GABBR2: variants seen among roughly 807,000 people sequenced by gnomAD.
The protein encoded by GABBR2 is G-protein coupled receptor 51.
GABBR2 carries 23 observed loss-of-function variants against 105.6 expected under a neutral mutation model. The observed-to-expected ratio is 0.22, with a 90% CI of 0.16 to 0.31. The LOEUF is 0.31. Among genes scored for constraint, GABBR2 ranks in the 10% least tolerant of loss-of-function variants. The probability of loss-of-function intolerance (pLI) is 1.00; values close to 1 mark genes in which losing one functional copy is unlikely to be tolerated. For synonymous variants in GABBR2, 478 were observed against 499.7 expected (o/e 0.96, Z 0.58); for missense variants, 734 against 1,245.5 (o/e 0.59, Z 6.18).
intron 2 of GABBR2, among the ~76,000 whole-genome samples, chr9:98,577,099 G>C (rs1327907517): frequency 2.9e-5 from 1 of 34,610 alleles, no homozygotes; most frequent in Non-Finnish European, 6.0e-5. Flanking sequence ...TGGATGGATG[G>C]ATAGCTGAAC....
intron 13 of GABBR2, among the ~76,000 whole-genome samples, chr9:98,335,968 T>C (rs1355330523): frequency 6.6e-6 from 1 of 152,168 alleles, no homozygotes; most frequent in African/African-American, 2.4e-5. Context: ...AGTAAGATAG[T>C]TAAGGGCCCT....
intron 1 of GABBR2, among the ~76,000 whole-genome samples, chr9:98,699,310 T>G (rs1004923912): frequency 6.6e-6 from 1 of 152,054 alleles, no homozygotes; most frequent in African/African-American, 2.4e-5. Context: ...GACATCAGCT[T>G]TGCACCAAAT....
intron 2 of GABBR2, among the ~76,000 whole-genome samples, chr9:98,553,478 G>C (rs964040323): frequency 6.6e-6 from 1 of 152,038 alleles, no homozygotes. Flanking sequence ...TGTGGTCTCA[G>C]CTACTCGGGA....
chr9:98,472,796 A>T (rs1283662804), intron 6 of GABBR2, among the ~76,000 whole-genome samples: 1 of 152,100 alleles, frequency 6.6e-6, no homozygotes, highest in Non-Finnish European at 1.5e-5. Context: ...GCATCAACAC[A>T]ACTGAGAATG....
chr9:98,508,083 G>A (rs1564097040), intron 3 of GABBR2, among the ~76,000 whole-genome samples: 1 of 152,138 alleles, frequency 6.6e-6, no homozygotes, highest in Non-Finnish European at 1.5e-5. Context: ...CCAGACTCGA[G>A]GGACCAAACC....
intron 1 of GABBR2, chr9:98,581,294 C>T (rs1437789443): frequency 6.6e-6 from 1 of 152,332 alleles, no homozygotes; most frequent in Non-Finnish European, 1.5e-5. Flanking sequence ...ACAGAAACAA[C>T]CCAGCTTGCT....
intron 12 of GABBR2, among the ~76,000 whole-genome samples, chr9:98,369,630 G>T (rs922513695): frequency 6.6e-6 from 1 of 152,218 alleles, no homozygotes; most frequent in Non-Finnish European, 1.5e-5. Context: ...GCTCGGGCTG[G>T]GTTGCTGTCT....
intron 13 of GABBR2, among the ~76,000 whole-genome samples, chr9:98,329,705 C>T (rs1396981362): frequency 2.0e-5 from 3 of 152,186 alleles, no homozygotes; most frequent in Non-Finnish European, 2.9e-5. Context: ...TTTGTCTCTC[C>T]CACTCTCATT....
chr9:98,401,726 CAA>C (rs1346670554), intron 8 of GABBR2, among the ~76,000 whole-genome samples: 1 of 152,184 alleles, frequency 6.6e-6, no homozygotes, highest in African/African-American at 2.4e-5. Flanking sequence ...AAATCAGCCT[CAA>C]GAGTCTCAAA....
chr9:98,590,689 C>T (rs536880688), intron 1 of GABBR2, among the ~76,000 whole-genome samples: 191 of 152,340 alleles, frequency 1.3e-3, no homozygotes, highest in African/African-American at 4.3e-3. Context: ...ATACCAAACT[C>T]CAACTACGTG....
intron 7 of GABBR2, among the ~76,000 whole-genome samples, chr9:98,441,859 G>T (rs1247197739): frequency 6.6e-6 from 1 of 152,180 alleles, no homozygotes; most frequent in Admixed American, 6.5e-5. Flanking sequence ...GGGTTAAGAA[G>T]ATTGAGAACC....
intron 1 of GABBR2, among the ~76,000 whole-genome samples, chr9:98,657,618 C>G (rs529879581): frequency 6.6e-6 from 1 of 152,344 alleles, no homozygotes; most frequent in South Asian, 2.1e-4. Context: ...ACTCAGGTAA[C>G]TCAATGATAG....
chr9:98,433,236 A>T lies in GABBR2; in HGVS notation c.1236+20745T>A, dbSNP rs549627629. Among the ~76,000 whole-genome samples the T allele has an allele frequency of 2.0e-5, 3 of 152,338 alleles. No homozygotes were observed. The East Asian group carries it at 5.8e-4, about 29-fold the overall frequency. On this transcript the variant is annotated intron_variant, in intron 7 of 18. Transcript: ENST00000259455. ...TAGTGAAGGGGAATTGACAGTGATT[A>T]TGTGGATTAAACTGTCACTACGTAT...
rs181209225 is a variant in GABBR2, at chr9:98,448,802, A to G, written c.1236+5179T>C. ...GACAAATCAGAAGATACATTTACCA[A>G]ACAGGGTATACTGCTGGTAACAGCC... On this transcript the variant is annotated intron_variant, in intron 7 of 18. Coordinates refer to ENST00000259455, the MANE Select transcript of GABBR2 (RefSeq NM_005458.8). 2.3e-3 allele frequency among the ~76,000 whole-genome samples: 349 copies of G among 152,316 alleles called. 1 individual carries two copies. The highest frequency in any genetic ancestry group is 8.1e-3 in the African/African-American group (336 of 41,562).
chr9:98,479,078 T>C (rs1324575053), intron 5 of GABBR2, among the ~76,000 whole-genome samples: 1 of 152,190 alleles, frequency 6.6e-6, no homozygotes, highest in African/African-American at 2.4e-5. Context: ...GTAAAATTTT[T>C]ATATCTATTC....
chr9:98,550,740 G>C (rs1302236284), intron 2 of GABBR2, among the ~76,000 whole-genome samples: 1 of 152,166 alleles, frequency 6.6e-6, no homozygotes, highest in Non-Finnish European at 1.5e-5. Flanking sequence ...TGCCCTGCCT[G>C]CTTTGGAGGG....
chr9:98,378,148 A>C (rs1831910182), intron 11 of GABBR2, among the ~76,000 whole-genome samples: 1 of 152,206 alleles, frequency 6.6e-6, no homozygotes, highest in South Asian at 2.1e-4. Flanking sequence ...ACCAGACTTG[A>C]ATTTACTGGG....
At chr9:98,554,455 C>G (rs1828550422) in intron 2 of GABBR2, among the ~76,000 whole-genome samples, 1 of 152,128 alleles carries the variant, frequency 6.6e-6, no homozygotes. Flanking sequence ...GCTTTTGATT[C>G]TCTAAGATGG....
At chr9:98,303,852 G>A (rs985725135) in intron 15 of GABBR2, among the ~76,000 whole-genome samples, 2 of 152,260 alleles carry the variant, frequency 1.3e-5, no homozygotes, top group Non-Finnish European at 2.9e-5. Context: ...TCTGGAAGCA[G>A]GCTAGTAACA....
Sources: gnomAD v4.1 joint callset for allele counts (sites outside exome capture counted in the v4.1 genomes callset) on GRCh38, gnomAD v4.1.1 for gene constraint, MANE v1.5 for transcripts, NCBI Gene and HGNC (gene_info 2026-07-23, HGNC 2026-07-21) for gene names.